SOBP: variants seen among roughly 807,000 people sequenced by gnomAD.
SOBP encodes sine oculis-binding protein homolog.
SOBP carries 4 observed loss-of-function variants against 53.6 expected under a neutral mutation model. The observed-to-expected ratio is 0.07, with a 90% CI of 0.04 to 0.17. The LOEUF (loss-of-function observed/expected upper bound fraction) is 0.17, where lower values mean the gene tolerates loss of function less well. SOBP is among the 10% of genes least tolerant of loss of function. The pLI, the probability that SOBP is intolerant of heterozygous loss-of-function variation, is 1.00. For synonymous variants in SOBP, 584 were observed against 522.6 expected (o/e 1.12, Z -1.60); for missense variants, 1,088 against 1,204.7 (o/e 0.90, Z 1.43).
intron 6 of SOBP, among the ~76,000 whole-genome samples, chr6:107,645,882 G>A (rs1417147208): frequency 1.3e-5 from 2 of 152,230 alleles, no homozygotes. Context: ...AGAGCAAGCT[G>A]TATTAGGGAT....
chr6:107,494,379 A>G (rs1198945013), intron 1 of SOBP, among the ~76,000 whole-genome samples: 1 of 152,220 alleles, frequency 6.6e-6, no homozygotes, highest in Non-Finnish European at 1.5e-5. Flanking sequence ...TAATATAAAA[A>G]CTAACTTCTA....
At chr6:107,591,329 A>G (rs1785739654) in intron 5 of SOBP, among the ~76,000 whole-genome samples, 1 of 152,234 alleles carries the variant, frequency 6.6e-6, no homozygotes, top group South Asian at 2.1e-4. Flanking sequence ...AGCTGCTGTT[A>G]TTATCATCTT....
At chr6:107,640,513 T>C (rs1202274620) in intron 6 of SOBP, among the ~76,000 whole-genome samples, 1 of 152,204 alleles carries the variant, frequency 6.6e-6, no homozygotes, top group Admixed American at 6.5e-5. Context: ...GTCTGTGTCA[T>C]GGACACATGT....
At chr6:107,617,909 C>T (rs2115114192) in intron 5 of SOBP, among the ~76,000 whole-genome samples, 1 of 144,848 alleles carries the variant, frequency 6.9e-6, no homozygotes, top group African/African-American at 2.5e-5. Context: ...CTCACTGCAA[C>T]ATCTACCTCC....
Position 107,529,849 on chromosome 6 carries a change from G to A in SOBP, c.422-3610G>A, listed in dbSNP as rs186337543. ...GTAGAAAAATGTTCTATAGCTCTTG[G>A]AACATTAGATTGGAAAGAAAATGCC... On this transcript the variant is annotated intron_variant, in intron 3 of 6. Coordinates refer to ENST00000317357, the MANE Select transcript of SOBP (RefSeq NM_018013.4). 2.3e-3 allele frequency among the ~76,000 whole-genome samples: 354 copies of A among 152,170 alleles called. 1 individual carries two copies. The highest frequency in any genetic ancestry group is 7.9e-3 in the African/African-American group (329 of 41,508).
At chr6:107,647,739 C>T (rs116585654) in intron 6 of SOBP, among the ~76,000 whole-genome samples, 9 of 152,204 alleles carry the variant, frequency 5.9e-5, no homozygotes, top group African/African-American at 1.2e-4. Flanking sequence ...CCTTTCCTCT[C>T]GGTGGAACAT....
At chr6:107,632,361 T>C (rs185760308) in intron 5 of SOBP, among the ~76,000 whole-genome samples, 1 of 150,288 alleles carries the variant, frequency 6.7e-6, no homozygotes, top group East Asian at 2.0e-4. Context: ...AAAAAGATTG[T>C]GTGTGTAAAA....
At chr6:107,506,504 T>C (rs1482780638) in intron 3 of SOBP, 77 bp downstream of exon 3, 4 of 1,536,142 alleles carry the variant, frequency 2.6e-6, no homozygotes, top group African/African-American at 2.7e-5. Flanking sequence ...AATTATTAAA[T>C]GCTCAAGTTA....
chr6:107,573,379 A>T (rs1785132356), intron 4 of SOBP, among the ~76,000 whole-genome samples: 1 of 152,124 alleles, frequency 6.6e-6, no homozygotes, highest in Non-Finnish European at 1.5e-5. Flanking sequence ...CCAGAAAAGA[A>T]AGCAGATTTG....
At chr6:107,602,646 A>G (rs778180244) in intron 5 of SOBP, among the ~76,000 whole-genome samples, 1 of 152,034 alleles carries the variant, frequency 6.6e-6, no homozygotes, top group Non-Finnish European at 1.5e-5. Context: ...CACAAAGAGC[A>G]AATTTTACTT....
chr6:107,607,718 G>A (rs1224622618), intron 5 of SOBP, among the ~76,000 whole-genome samples: 4 of 152,178 alleles, frequency 2.6e-5, no homozygotes, highest in Non-Finnish European at 5.9e-5. Context: ...TTATGCACAT[G>A]CAATATAATC....
At position 107,638,195 on chromosome 6, in the gene SOBP, T is replaced by TTTTG. The variant is rs1554191576; in HGVS notation, c.*3+2729_*3+2730insGTTT. Among the ~76,000 whole-genome samples the TTTTG allele has an allele frequency of 4.6e-5, 7 of 151,054 alleles. No homozygotes were observed. The East Asian group carries it at 1.4e-3, about 30-fold the overall frequency. On this transcript the variant is annotated intron_variant, in intron 6 of 6. Transcript: ENST00000317357. ...ACATTCTCTGGCCCTTCCTGGTTTG[T>TTTTG]TTTATTTATTTATTTAGTTATTTAT... is the stretch of plus-strand genomic sequence containing the variant.
chr6:107,606,070 CTTTTTTTTTTTTTT>C (rs11298151), intron 5 of SOBP, among the ~76,000 whole-genome samples: 2 of 62,858 alleles, frequency 3.2e-5, no homozygotes, highest in African/African-American at 5.5e-5. Flanking sequence ...AGATAGGCTC[CTTTTTTTTTTTTTT>C]TTTTTTTTTT....
intron 3 of SOBP, among the ~76,000 whole-genome samples, chr6:107,512,554 C>T (rs987326929): frequency 5.9e-5 from 9 of 152,150 alleles, no homozygotes; most frequent in Admixed American, 5.9e-4. Flanking sequence ...GTGTAATAGC[C>T]CTTGGCTGCA....
chr6:107,542,527 T>C (rs943375475), intron 4 of SOBP, among the ~76,000 whole-genome samples: 1 of 152,100 alleles, frequency 6.6e-6, no homozygotes, highest in Non-Finnish European at 1.5e-5. Context: ...TGATTTTTGT[T>C]GTTGATTGGG....
intron 4 of SOBP, among the ~76,000 whole-genome samples, chr6:107,558,845 A>G (rs193146267): frequency 2.0e-5 from 3 of 152,226 alleles, no homozygotes; most frequent in Non-Finnish European, 2.9e-5. Context: ...ACAACTAGCT[A>G]TTTAGATTAG....
chr6:107,522,537 C>CTTTTTTTTTTTTTTTTTTTTTTTTTTTTT (rs71551313), intron 3 of SOBP, among the ~76,000 whole-genome samples: 2 of 74,096 alleles, frequency 2.7e-5, no homozygotes, highest in Non-Finnish European at 4.9e-5. Flanking sequence ...AGTATAAAAA[C>CTTTTTTTTTTTTTTTTTTTTTTTTTTTTT]TTTTTTTTTT....
At chr6:107,648,913 T>G (rs1368915884) in intron 6 of SOBP, among the ~76,000 whole-genome samples, 1 of 152,156 alleles carries the variant, frequency 6.6e-6, no homozygotes, top group Non-Finnish European at 1.5e-5. Flanking sequence ...CAATAAAATT[T>G]GACTCCTAGT....
At chr6:107,658,072 G>A (rs1396990304) in intron 6 of SOBP, 135 bp from the exon 7 acceptor site, 1 of 152,776 alleles carries the variant, frequency 6.5e-6, no homozygotes, top group African/African-American at 2.4e-5. Flanking sequence ...CAGCGGTTCT[G>A]GGGCTCATCC....
Sources: gnomAD v4.1 joint callset for allele counts (sites outside exome capture counted in the v4.1 genomes callset) on GRCh38, gnomAD v4.1.1 for gene constraint, MANE v1.5 for transcripts, NCBI Gene and HGNC (gene_info 2026-07-23, HGNC 2026-07-21) for gene names.